NTM: variants seen among roughly 807,000 people sequenced by gnomAD.
The protein encoded by NTM is IgLON family member 2.
A neutral mutation model predicts 42.1 loss-of-function variants in NTM; 13 were observed. The observed-to-expected ratio is 0.31, with a 90% CI of 0.20 to 0.49. The LOEUF (loss-of-function observed/expected upper bound fraction) is 0.49, where lower values mean the gene tolerates loss of function less well. Among genes scored for constraint, NTM ranks in the 20% least tolerant of loss-of-function variants. The pLI is 0.99. For missense variants in NTM, 373 were observed against 452.8 expected, an observed-to-expected ratio of 0.82 and a Z score of 1.60; for synonymous variants, 187 against 179.2, an observed-to-expected ratio of 1.04 and a Z score of -0.35.
In NTM at chr11:131,485,332, C is replaced by T. The variant is rs117451187; in HGVS notation, c.82+114444C>T. On this transcript the variant is annotated intron_variant, in intron 1 of 8. Transcript: ENST00000683400. Reference sequence around the variant, plus strand: ...GGCAGGGGAAATTTGGGATCAGTTCCAAGTGAAGGCAATGGAGATGCGAGA... The same window carrying T: ...GGCAGGGGAAATTTGGGATCAGTTCTAAGTGAAGGCAATGGAGATGCGAGA... 1.7e-4 allele frequency among the ~76,000 whole-genome samples: 26 copies of T among 152,296 alleles called. No homozygotes were observed. The East Asian group carries it at 3.3e-3, about 19-fold the overall frequency.
intron 1 of NTM, among the ~76,000 whole-genome samples, chr11:131,648,963 G>A (rs988081759): frequency 2.0e-5 from 3 of 152,190 alleles, no homozygotes; most frequent in Non-Finnish European, 4.4e-5. Flanking sequence ...GGTAAAGTAA[G>A]GACTTGACAA....
chr11:132,087,388 C>T (rs538517820), intron 2 of NTM, among the ~76,000 whole-genome samples: 8 of 152,312 alleles, frequency 5.3e-5, no homozygotes, highest in African/African-American at 1.2e-4. Context: ...TAGTCATGCT[C>T]ACCTACATTG....
intron 1 of NTM, among the ~76,000 whole-genome samples, chr11:131,515,560 T>A (rs2048797314): frequency 6.6e-6 from 1 of 152,154 alleles, no homozygotes. Context: ...ACCAATGAGG[T>A]AGGAGTTCTA....
chr11:132,217,381 T>TGC (rs1305740260), intron 4 of NTM, among the ~76,000 whole-genome samples: 2 of 151,130 alleles, frequency 1.3e-5, no homozygotes, highest in Non-Finnish European at 3.0e-5. Flanking sequence ...TGTGTGTGTG[T>TGC]GTGTGTGTGT....
At chr11:132,289,039 G>A (rs1415862940) in intron 4 of NTM, among the ~76,000 whole-genome samples, 1 of 152,102 alleles carries the variant, frequency 6.6e-6, no homozygotes, top group Non-Finnish European at 1.5e-5. Flanking sequence ...CTTGCTTCTT[G>A]TGTATGGCTT....
chr11:131,781,705 T>C (rs2088170398), intron 1 of NTM, among the ~76,000 whole-genome samples: 1 of 152,156 alleles, frequency 6.6e-6, no homozygotes, highest in Non-Finnish European at 1.5e-5. Flanking sequence ...AATATATGAA[T>C]CATTGCTTTT....
chr11:131,647,386 T>C (rs2065900987), intron 1 of NTM, among the ~76,000 whole-genome samples: 1 of 152,206 alleles, frequency 6.6e-6, no homozygotes, highest in South Asian at 2.1e-4. Flanking sequence ...CCTTCGGGGA[T>C]GGCTTCGCAA....
chr11:131,789,793 A>G (rs1286663002), intron 1 of NTM, among the ~76,000 whole-genome samples: 1 of 92,852 alleles, frequency 1.1e-5, no homozygotes, highest in Non-Finnish European at 2.5e-5. Flanking sequence ...CGTCTCTACT[A>G]AAAATACAAA....
chr11:131,438,844 C>A (rs1949362937), intron 1 of NTM, among the ~76,000 whole-genome samples: 3 of 152,196 alleles, frequency 2.0e-5, no homozygotes, highest in African/African-American at 4.8e-5. Context: ...GAACTGCAGT[C>A]CTTTGGAGGA....
chr11:131,384,738 T>C (rs1591521093), intron 1 of NTM, among the ~76,000 whole-genome samples: 2 of 152,314 alleles, frequency 1.3e-5, no homozygotes, highest in Admixed American at 1.3e-4. Context: ...GAAAGACTGC[T>C]TCCATTACTC....
chr11:132,301,522 C>CTCTG (rs1266461184), intron 4 of NTM, among the ~76,000 whole-genome samples: 1 of 152,218 alleles, frequency 6.6e-6, no homozygotes, highest in African/African-American at 2.4e-5. Context: ...GGAGTCTCAC[C>CTCTG]TCTGTCTGTC....
chr11:132,293,526 C>T (rs762309696), intron 4 of NTM, among the ~76,000 whole-genome samples: 10 of 151,864 alleles, frequency 6.6e-5, no homozygotes, highest in Non-Finnish European at 1.5e-4. Context: ...GAGTGCAGTC[C>T]GATGAAGGGT....
At chr11:132,220,900 A>G (rs2085013898) in intron 4 of NTM, among the ~76,000 whole-genome samples, 1 of 152,176 alleles carries the variant, frequency 6.6e-6, no homozygotes, top group South Asian at 2.1e-4. Context: ...AGGAGACCCC[A>G]TCTCTCAACC....
chr11:132,208,252 A>G (rs2082286863), intron 3 of NTM, among the ~76,000 whole-genome samples: 1 of 152,238 alleles, frequency 6.6e-6, no homozygotes, highest in African/African-American at 2.4e-5. Flanking sequence ...AGTCTTGAAT[A>G]CTGACAATGT....
intron 4 of NTM, among the ~76,000 whole-genome samples, chr11:132,281,464 A>G (rs527826934): frequency 2.3e-4 from 35 of 152,372 alleles, no homozygotes; most frequent in African/African-American, 7.5e-4. Flanking sequence ...CACAATTCAG[A>G]TGCAAATACA....
chr11:131,765,386 C>T (rs111822666), intron 1 of NTM, among the ~76,000 whole-genome samples: 78 of 152,290 alleles, frequency 5.1e-4, no homozygotes, highest in African/African-American at 1.6e-3. Context: ...TCTGAGGCTA[C>T]GCCAGGTTCA....
At chr11:131,452,189 G>T (rs951307466) in intron 1 of NTM, among the ~76,000 whole-genome samples, 23 of 152,316 alleles carry the variant, frequency 1.5e-4, no homozygotes, top group African/African-American at 5.5e-4. Flanking sequence ...AGTTTAACGG[G>T]CTGAGAAATG....
rs76026610 is a variant in NTM at position 131,570,125 on chromosome 11, C to T, written c.82+199237C>T. Among the ~76,000 whole-genome samples the T allele has an allele frequency of 2.2e-3, 338 of 152,334 alleles. 3 individuals are homozygous for T. Among genetic ancestry groups the T allele is most frequent in the African/African-American group, 7.6e-3 (317 of 41,576 alleles). ...CCTCTGGTCTTTGCTCTTAAGACTTCTAAGTCTGTGCTCCCATAACTGAAA... is the reference window on the plus strand; with the variant it reads ...CCTCTGGTCTTTGCTCTTAAGACTTTTAAGTCTGTGCTCCCATAACTGAAA... On this transcript the variant is annotated intron_variant, in intron 1 of 8. Transcript: ENST00000683400.
rs1259946572 is a variant in NTM, at chr11:131,902,520, A to C, written c.83-9044A>C. On this transcript the variant is annotated intron_variant, in intron 1 of 8. Coordinates refer to ENST00000683400, the MANE Select transcript of NTM (RefSeq NM_001352005.2). ...TCATCCAGTTCCTGCTTCCCCAAGGAAAGTTCAGATTCTGTGCAGCCTTGA... is the reference window on the plus strand; with the variant it reads ...TCATCCAGTTCCTGCTTCCCCAAGGCAAGTTCAGATTCTGTGCAGCCTTGA... 2.6e-5 allele frequency among the ~76,000 whole-genome samples: 4 copies of C among 152,350 alleles called. No homozygotes were observed. In the East Asian group the frequency reaches 7.7e-4, roughly 29 times the overall value.
Sources: allele counts gnomAD v4.1 joint callset (sites outside exome capture counted in the v4.1 genomes callset), GRCh38; gene constraint gnomAD v4.1.1; transcripts MANE v1.5; gene names NCBI Gene and HGNC (gene_info 2026-07-23, HGNC 2026-07-21).